ADAMTSL1: variants seen among roughly 807,000 people sequenced by gnomAD.
ADAMTSL1 encodes ADAMTS-like protein 1.
In ADAMTSL1, 126 loss-of-function variants were observed where a neutral mutation model predicts 201.8. The ratio of observed to expected loss-of-function variants is 0.62; its 90% CI spans 0.54 to 0.72. The LOEUF is 0.72. Among genes scored for constraint, ADAMTSL1 ranks in the 30% least tolerant of loss-of-function variants. The pLI, the probability that ADAMTSL1 is intolerant of heterozygous loss-of-function variation, is 0.00. For missense variants in ADAMTSL1, 2,679 were observed against 2,277.8 expected (o/e 1.18, Z -3.59); for synonymous variants, 1,121 against 903.4 (o/e 1.24, Z -4.32).
chr9:18,368,019 C>T (rs1222182355), intron 2 of ADAMTSL1, among the ~76,000 whole-genome samples: 2 of 152,080 alleles, frequency 1.3e-5, no homozygotes, highest in Non-Finnish European at 2.9e-5. Context: ...CCTGCCTCAG[C>T]CCCCTGAGTA....
chr9:18,693,028 G>C (rs1831327852), intron 13 of ADAMTSL1, among the ~76,000 whole-genome samples: 1 of 152,142 alleles, frequency 6.6e-6, no homozygotes, highest in Non-Finnish European at 1.5e-5. Context: ...GGAGTGAGTA[G>C]TCTTTCTTCC....
intron 2 of ADAMTSL1, among the ~76,000 whole-genome samples, chr9:18,519,243 A>G (rs1226996578): frequency 6.6e-6 from 1 of 152,048 alleles, no homozygotes; most frequent in Admixed American, 6.5e-5. Flanking sequence ...CTCAGGTTTT[A>G]TTTTCCTTTT....
intron 19 of ADAMTSL1, among the ~76,000 whole-genome samples, chr9:18,792,695 T>C (rs1319385547): frequency 6.6e-6 from 1 of 152,212 alleles, no homozygotes; most frequent in Admixed American, 6.5e-5. Flanking sequence ...AAGCTTTAAA[T>C]CATAAAGTTG....
chr9:18,333,529 C>T (rs1253553250), intron 2 of ADAMTSL1, among the ~76,000 whole-genome samples: 1 of 152,114 alleles, frequency 6.6e-6, no homozygotes, highest in Non-Finnish European at 1.5e-5. Flanking sequence ...TGAGAATGGA[C>T]TAATACAGCA....
chr9:18,128,072 C>T (rs1825809858), intron 1 of ADAMTSL1, among the ~76,000 whole-genome samples: 1 of 152,104 alleles, frequency 6.6e-6, no homozygotes, highest in Non-Finnish European at 1.5e-5. Flanking sequence ...TAACAAATGA[C>T]TAGTTGCATA....
chr9:18,015,554 C>T (rs746366675), intron 1 of ADAMTSL1, among the ~76,000 whole-genome samples: 7 of 151,998 alleles, frequency 4.6e-5, no homozygotes, highest in South Asian at 4.1e-4. Flanking sequence ...TCACTTGACA[C>T]GTATTATTGT....
chr9:18,471,816 T>C (rs1170696102), upstream of ADAMTSL1, among the ~76,000 whole-genome samples: 1 of 152,226 alleles, frequency 6.6e-6, no homozygotes, highest in Non-Finnish European at 1.5e-5. Flanking sequence ...ACCATCTTGC[T>C]GTACATTAGC....
chr9:18,004,982 A>C (rs1819754283), intron 1 of ADAMTSL1, among the ~76,000 whole-genome samples: 1 of 152,240 alleles, frequency 6.6e-6, no homozygotes, highest in Non-Finnish European at 1.5e-5. Context: ...TGGGCCATTT[A>C]TATATAATGA....
chr9:18,204,549 A>G (rs560166732), intron 2 of ADAMTSL1, among the ~76,000 whole-genome samples: 1 of 152,272 alleles, frequency 6.6e-6, no homozygotes, highest in African/African-American at 2.4e-5. Flanking sequence ...TATGCACTTG[A>G]GAAATTTGAG....
chr9:18,021,920 C>A (rs980481871), intron 1 of ADAMTSL1, among the ~76,000 whole-genome samples: 1 of 151,994 alleles, frequency 6.6e-6, no homozygotes, highest in African/African-American at 2.4e-5. Context: ...TCAGAGGTGG[C>A]TATTGGGGAT....
At chr9:18,755,249 A>G (rs1819687004) in intron 16 of ADAMTSL1, among the ~76,000 whole-genome samples, 2 of 152,220 alleles carry the variant, frequency 1.3e-5, no homozygotes, top group Admixed American at 6.5e-5. Flanking sequence ...GAGTGAATCT[A>G]TGACCTTAAA....
chr9:18,876,801 G>A (rs371393041), intron 23 of ADAMTSL1, among the ~76,000 whole-genome samples: 1 of 152,188 alleles, frequency 6.6e-6, no homozygotes, highest in Non-Finnish European at 1.5e-5. Context: ...TAGATGTCTA[G>A]CAAGGTCAGG....
chr9:18,267,050 C>T (rs767122051), intron 2 of ADAMTSL1, among the ~76,000 whole-genome samples: 4 of 152,244 alleles, frequency 2.6e-5, no homozygotes, highest in East Asian at 3.9e-4. Flanking sequence ...CTTGCCACTA[C>T]TTCATTTGAT....
chr9:18,222,007 G>T (rs574666117), intron 2 of ADAMTSL1, among the ~76,000 whole-genome samples: 9 of 152,042 alleles, frequency 5.9e-5, no homozygotes, highest in African/African-American at 2.2e-4. Context: ...ATCTTCCCGA[G>T]TCTTAAAAGT....
intron 2 of ADAMTSL1, among the ~76,000 whole-genome samples, chr9:18,235,534 G>C (rs115809349): frequency 0.013 from 2,049 of 152,218 alleles, 53 homozygotes; most frequent in African/African-American, 0.047. Flanking sequence ...TACCTACACA[G>C]GTATTAGCTC....
chr9:18,108,674 T>G (rs758173328), intron 1 of ADAMTSL1, among the ~76,000 whole-genome samples: 28 of 152,178 alleles, frequency 1.8e-4, no homozygotes, highest in Non-Finnish European at 3.2e-4. Flanking sequence ...AGAACTATTT[T>G]TTTTACTCTT....
chr9:18,836,755 A>T (rs1360302942), intron 23 of ADAMTSL1, among the ~76,000 whole-genome samples: 5 of 152,114 alleles, frequency 3.3e-5, no homozygotes, highest in Non-Finnish European at 7.4e-5. Context: ...CCATTTATGG[A>T]TGTCATCTAT....
chr9:18,892,661 G>C (rs1461746591), intron 26 of ADAMTSL1, 65 bp downstream of exon 26: 6 of 1,502,190 alleles, frequency 4.0e-6, no homozygotes, highest in Admixed American at 2.0e-5. Context: ...GCCACAGTAG[G>C]AAGTGAAATG....
At chr9:18,685,138 T>C (rs1043778764) in intron 13 of ADAMTSL1, among the ~76,000 whole-genome samples, 7 of 152,224 alleles carry the variant, frequency 4.6e-5, no homozygotes, top group African/African-American at 1.7e-4. Flanking sequence ...GATGCCAAAG[T>C]CTGAGCTGCT....
Sources: allele counts gnomAD v4.1 joint callset (sites outside exome capture counted in the v4.1 genomes callset), GRCh38; gene constraint gnomAD v4.1.1; transcripts MANE v1.5; gene names NCBI Gene and HGNC (gene_info 2026-07-23, HGNC 2026-07-21).